SLC35F3: variants seen among roughly 807,000 people sequenced by gnomAD.
SLC35F3 encodes putative thiamine transporter SLC35F3.
Under a neutral mutation model 49.9 loss-of-function variants are expected in SLC35F3, and 25 were observed. The observed-to-expected ratio is 0.50, with a 90% CI of 0.37 to 0.70. The LOEUF is 0.70. Among genes scored for constraint, SLC35F3 ranks in the 30% least tolerant of loss-of-function variants. SLC35F3 has a pLI of 0.00. For missense variants in SLC35F3, 525 were observed against 639.8 expected (o/e 0.82, Z 1.94); for synonymous variants, 275 against 265.4 (o/e 1.04, Z -0.35).
chr1:233,971,567 A>ACAAGGATAC (rs1260702832), intron 2 of SLC35F3, among the ~76,000 whole-genome samples: 2 of 152,084 alleles, frequency 1.3e-5, no homozygotes, highest in African/African-American at 4.8e-5. Flanking sequence ...TAAGAATACA[A>ACAAGGATAC]AAATTAGCCA....
intron 2 of SLC35F3, among the ~76,000 whole-genome samples, chr1:234,096,185 T>G (rs1295256583): frequency 6.6e-6 from 1 of 152,222 alleles, no homozygotes; most frequent in South Asian, 2.1e-4. Context: ...TTCCACGACT[T>G]GTAGTGTCCA....
chr1:234,231,708 C>T lies in SLC35F3; in HGVS notation c.575C>T (p.Ser192Phe), dbSNP rs371344522. ...PLYYVGHVCK[S>F]TEKQSVKQRY... is the part of the protein sequence containing the mutation. The stretch of plus-strand genomic sequence containing the variant: ...TACTACGTGGGGCACGTCTGCAAGT[C>T]CACAGAGAAGCAGTCTGTGAAGCAG... Residue 192 changes from serine to phenylalanine, a missense_variant, in exon 3 of 8, where the codon TCC becomes TTC. Coordinates refer to ENST00000366618, the MANE Select transcript of SLC35F3 (RefSeq NM_173508.4). The surrounding 1 kb of genome is among the most constrained non-coding windows in gnomAD (Gnocchi z 5.4). 6.2e-7 allele frequency: 1 copy of T among 1,613,318 alleles called. No homozygotes were observed. The highest frequency in any genetic ancestry group is 1.1e-5 in the South Asian group (1 of 90,978).
intron 2 of SLC35F3, among the ~76,000 whole-genome samples, chr1:234,049,907 G>A (rs1002871840): frequency 5.3e-5 from 8 of 152,086 alleles, no homozygotes; most frequent in South Asian, 2.1e-4. Context: ...CTGTCCTTGC[G>A]ATAGGTTGCT....
chr1:233,918,798 T>TC, intron 2 of SLC35F3, among the ~76,000 whole-genome samples: 1 of 49,780 alleles, frequency 2.0e-5, no homozygotes, highest in African/African-American at 4.9e-5. Flanking sequence ...CTCTCTCTCT[T>TC]TCTCTCTCTC....
chr1:234,291,331 C>G (rs1482563940), intron 3 of SLC35F3, among the ~76,000 whole-genome samples: 1 of 152,186 alleles, frequency 6.6e-6, no homozygotes, highest in African/African-American at 2.4e-5. Context: ...CTAACAAGTT[C>G]CCAGGCAGAG....
At chr1:234,166,457 T>C (rs1666322639) in intron 2 of SLC35F3, among the ~76,000 whole-genome samples, 1 of 152,138 alleles carries the variant, frequency 6.6e-6, no homozygotes, top group South Asian at 2.1e-4. Context: ...ATAGAGAAAA[T>C]AGATCATTTC....
intron 2 of SLC35F3, among the ~76,000 whole-genome samples, chr1:234,077,380 G>A (rs1664808729): frequency 6.6e-6 from 1 of 152,240 alleles, no homozygotes; most frequent in African/African-American, 2.4e-5. Context: ...GACAGAAGGT[G>A]AAGGGAAAGC....
chr1:234,230,010 C>T (rs866133456), intron 2 of SLC35F3, among the ~76,000 whole-genome samples: 24 of 152,048 alleles, frequency 1.6e-4, no homozygotes, highest in Admixed American at 4.6e-4. Context: ...CAGAGGGTGG[C>T]GAGACATTTG....
At chr1:234,188,854 T>C (rs1666686575) in intron 2 of SLC35F3, among the ~76,000 whole-genome samples, 1 of 152,130 alleles carries the variant, frequency 6.6e-6, no homozygotes. Context: ...CTGAGAGACC[T>C]AAAGATAGTT....
chr1:234,295,755 C>G (rs1456848146), intron 3 of SLC35F3, among the ~76,000 whole-genome samples: 2 of 152,204 alleles, frequency 1.3e-5, no homozygotes, highest in African/African-American at 2.4e-5. Context: ...TAAATAACCA[C>G]CCCTGAGGAA....
intron 2 of SLC35F3, among the ~76,000 whole-genome samples, chr1:233,959,017 G>A (rs539431506): frequency 6.6e-6 from 1 of 152,264 alleles, no homozygotes; most frequent in Admixed American, 6.5e-5. Flanking sequence ...TAATGAAAAA[G>A]CCCTTGGTTC....
chr1:233,907,753 C>G (rs1370064357), intron 2 of SLC35F3, among the ~76,000 whole-genome samples: 2 of 151,952 alleles, frequency 1.3e-5, no homozygotes, highest in African/African-American at 2.4e-5. Context: ...GAGTCTCACT[C>G]TGTCACCCAG....
chr1:234,266,965 A>C (rs1667991933), intron 3 of SLC35F3, among the ~76,000 whole-genome samples: 1 of 133,146 alleles, frequency 7.5e-6, no homozygotes, highest in Non-Finnish European at 1.6e-5. Flanking sequence ...AGTGGAGGGA[A>C]GGTCAGCAGA....
chr1:234,277,117 A>C (rs78788602), intron 3 of SLC35F3, among the ~76,000 whole-genome samples: 9,195 of 152,300 alleles, frequency 0.06, 333 homozygotes, highest in African/African-American at 0.099. Context: ...CCCTTCTCTA[A>C]TGTCATCCCA....
chr1:234,172,914 CA>C (rs1666420172), intron 2 of SLC35F3, among the ~76,000 whole-genome samples: 1 of 152,176 alleles, frequency 6.6e-6, no homozygotes, highest in Non-Finnish European at 1.5e-5. Context: ...CAGGATGTTG[CA>C]AAAATAGCAG....
chr1:234,181,348 AAAAAAAAGAAAGAAAGAAAAAGAAAAG>A (rs1666554251), intron 2 of SLC35F3, among the ~76,000 whole-genome samples: 2 of 151,802 alleles, frequency 1.3e-5, no homozygotes, highest in Non-Finnish European at 2.9e-5. Context: ...GAAAAAAAAA[AAAAAAAAGAAAGAAAGAAAAAGAAAAG>A]AAAAAAGAGA....
At chr1:234,040,821 T>C (rs530407215) in intron 2 of SLC35F3, among the ~76,000 whole-genome samples, 1 of 152,326 alleles carries the variant, frequency 6.6e-6, no homozygotes, top group East Asian at 1.9e-4. Flanking sequence ...ACCGACTTTA[T>C]TCTGGGATAT....
chr1:233,989,485 A>C (rs1319063455), intron 2 of SLC35F3, among the ~76,000 whole-genome samples: 2 of 152,228 alleles, frequency 1.3e-5, no homozygotes, highest in African/African-American at 4.8e-5. Context: ...GGTACTAAGC[A>C]AATATTACAC....
intron 2 of SLC35F3, among the ~76,000 whole-genome samples, chr1:234,062,598 C>G (rs1038739600): frequency 1.3e-5 from 2 of 152,202 alleles, no homozygotes; most frequent in Middle Eastern, 6.8e-3. Context: ...CTTTTCCTGG[C>G]TCTGTTGCAA....
Sources: gnomAD v4.1 joint callset for allele counts (sites outside exome capture counted in the v4.1 genomes callset) on GRCh38, gnomAD v4.1.1 for gene constraint, Gnocchi (gnomAD v3.1) non-coding constraint, MANE v1.5 for transcripts, NCBI Gene and HGNC (gene_info 2026-07-23, HGNC 2026-07-21) for gene names.